KIF5C: variants seen among roughly 807,000 people sequenced by gnomAD.
KIF5C encodes the protein kinesin heavy chain isoform 5C.
In KIF5C, 18 loss-of-function variants were observed where a neutral mutation model predicts 125.2. The observed-to-expected ratio is 0.14, with a 90% confidence interval of 0.10 to 0.21. KIF5C has a LOEUF of 0.21. Among genes scored for constraint, KIF5C ranks in the 10% least tolerant of loss-of-function variants. The pLI, the probability that KIF5C is intolerant of heterozygous loss-of-function variation, is 1.00. For synonymous variants in KIF5C, 405 were observed against 434.0 expected (o/e 0.93, Z 0.83); for missense variants, 780 against 1,183.8 (o/e 0.66, Z 5.01).
At chr2:148,994,570 C>T in intron 17 of KIF5C, 32 bp downstream of exon 17, 1 of 1,547,968 alleles carries the variant, frequency 6.5e-7, no homozygotes, top group South Asian at 1.2e-5. Context: ...AGGTGTCAAA[C>T]ACCTGGCCTG....
chr2:149,021,100 T>C (rs1682520933), intron 25 of KIF5C, among the ~76,000 whole-genome samples: 1 of 152,238 alleles, frequency 6.6e-6, no homozygotes. Context: ...TCTCACTCTG[T>C]CACCCAGGCT....
At chr2:148,962,198 C>T (rs1160663978) in intron 11 of KIF5C, 79 bp downstream of exon 11, 2 of 1,480,000 alleles carry the variant, frequency 1.4e-6, no homozygotes, top group Admixed American at 4.8e-5. Flanking sequence ...CAGAGTCTCT[C>T]TCTGTCACTC....
chr2:148,910,213 T>C (rs914136936), intron 1 of KIF5C, among the ~76,000 whole-genome samples: 10 of 152,218 alleles, frequency 6.6e-5, no homozygotes, highest in African/African-American at 2.4e-4. Context: ...TAAGATAAGT[T>C]ATAATGTTAA....
At chr2:149,010,425 G>A in intron 24 of KIF5C, 74 bp downstream of exon 24, 1 of 1,475,036 alleles carries the variant, frequency 6.8e-7, no homozygotes, top group Non-Finnish European at 9.0e-7. Flanking sequence ...GCTAAAAGGT[G>A]AAGACAGCGC....
intron 16 of KIF5C, among the ~76,000 whole-genome samples, chr2:148,992,922 C>T (rs1172080620): frequency 2.6e-5 from 4 of 152,184 alleles, no homozygotes; most frequent in Non-Finnish European, 5.9e-5. Flanking sequence ...ATTTCGGGGC[C>T]AAGGCAAGGG....
intron 11 of KIF5C, among the ~76,000 whole-genome samples, chr2:148,969,476 G>T (rs1407504103): frequency 7.1e-6 from 1 of 141,680 alleles, no homozygotes; most frequent in African/African-American, 2.8e-5. Context: ...TGTGTGGGGA[G>T]GCCTTTCAGA....
intron 1 of KIF5C, among the ~76,000 whole-genome samples, chr2:148,909,879 T>C (rs1681263568): frequency 1.3e-5 from 2 of 152,206 alleles, no homozygotes; most frequent in African/African-American, 4.8e-5. Flanking sequence ...CTCCTACTTA[T>C]CGCTGTGCGA....
intron 10 of KIF5C, among the ~76,000 whole-genome samples, chr2:148,951,703 A>G (rs1223799251): frequency 1.3e-5 from 2 of 152,156 alleles, no homozygotes. Context: ...CAATCATGTG[A>G]TCTTTAGACA....
chr2:149,021,805 C>A (rs1682542227), intron 25 of KIF5C, among the ~76,000 whole-genome samples: 1 of 141,322 alleles, frequency 7.1e-6, no homozygotes, highest in South Asian at 2.3e-4. Flanking sequence ...CCATGTATTT[C>A]TTAAGGATAA....
At chr2:148,943,507 G>T (rs1365343849) in intron 7 of KIF5C, among the ~76,000 whole-genome samples, 1 of 152,174 alleles carries the variant, frequency 6.6e-6, no homozygotes, top group African/African-American at 2.4e-5. Context: ...AAAATCTGGA[G>T]GAGGGTGTGT....
chr2:148,996,763 G>A, intron 17 of KIF5C, among the ~76,000 whole-genome samples: 1 of 152,340 alleles, frequency 6.6e-6, no homozygotes, highest in Non-Finnish European at 1.5e-5. Flanking sequence ...TGGAAACAGA[G>A]TATGTTTTCC....
chr2:148,892,135 C>A (rs1263394459), intron 1 of KIF5C, among the ~76,000 whole-genome samples: 1 of 152,224 alleles, frequency 6.6e-6, no homozygotes, highest in Admixed American at 6.5e-5. Context: ...GTGGATCCAG[C>A]ATAGTGGGCT....
rs1682936100 is a variant in KIF5C, at chr2:148,961,859, CT to C, written c.969-110del. The C allele has an allele frequency of 2.7e-6, 4 of 1,458,548 alleles. No homozygotes were observed. In the African/African-American group the frequency reaches 5.6e-5, roughly 21 times the overall value. The allele number at this position is 1,458,548 out of a possible 1,614,324, so 90.4% of individuals were successfully genotyped here. On this transcript the variant is annotated intron_variant, in intron 10 of 25. Coordinates refer to ENST00000435030, the MANE Select transcript of KIF5C (RefSeq NM_004522.3). ...ATGGTTGGTGAAAGCCACAGGATCC[CT>C]TCTGCTTCCCTATTTCCAGTCTTTT...
At chr2:148,949,080 T>C (rs2105111999) in intron 8 of KIF5C, among the ~76,000 whole-genome samples, 1 of 152,242 alleles carries the variant, frequency 6.6e-6, no homozygotes, top group Middle Eastern at 3.4e-3. Context: ...CCCTGCATCG[T>C]TTGTCCAGTC....
intron 1 of KIF5C, among the ~76,000 whole-genome samples, chr2:148,916,019 G>A (rs1178308612): frequency 6.6e-6 from 1 of 152,194 alleles, no homozygotes; most frequent in African/African-American, 2.4e-5. Flanking sequence ...GGCCTGTTGC[G>A]GGTGACCAAG....
rs1645613362 is a variant in KIF5C at position 149,025,135 on chromosome 2, G to C, written c.*2065G>C. 6.6e-6 allele frequency: 1 copy of C among 152,590 alleles called. No individual in the cohort carries two copies. Among genetic ancestry groups the C allele is most frequent in the Non-Finnish European group, 1.5e-5 (1 of 68,026 alleles). The allele number at this position is 152,590 out of a possible 1,614,324, so 9.5% of individuals were successfully genotyped here. A position where few individuals can be genotyped will look rare whatever the true frequency, so the allele number is the denominator to read the frequency against. On this transcript the variant is annotated 3_prime_UTR_variant, in exon 26 of 26. Transcript: ENST00000435030. The stretch of plus-strand genomic sequence containing the variant: ...TGGGTACCCCGTTTCTACTTCTAAA[G>C]AATTGCTTGGCACTTTCATGTTTCA...
At chr2:148,919,423 T>C (rs1321792061) in intron 1 of KIF5C, among the ~76,000 whole-genome samples, 2 of 152,182 alleles carry the variant, frequency 1.3e-5, no homozygotes, top group Non-Finnish European at 1.5e-5. Context: ...CTGCATTAAA[T>C]GTCATTTGAA....
intron 15 of KIF5C, among the ~76,000 whole-genome samples, chr2:148,986,366 T>C: frequency 6.6e-6 from 1 of 152,224 alleles, no homozygotes. Flanking sequence ...TTCTGGTTTT[T>C]TTCATATAAT....
At chr2:148,889,382 G>A (rs755085608) in intron 1 of KIF5C, among the ~76,000 whole-genome samples, 1 of 152,170 alleles carries the variant, frequency 6.6e-6, no homozygotes, top group Non-Finnish European at 1.5e-5. Flanking sequence ...ATTGTTGCCA[G>A]TCAGCACTCT....
Sources: allele counts gnomAD v4.1 joint callset (sites outside exome capture counted in the v4.1 genomes callset), GRCh38; gene constraint gnomAD v4.1.1; transcripts MANE v1.5; gene names NCBI Gene and HGNC (gene_info 2026-07-23, HGNC 2026-07-21).